The following CNTNAP2 variants were observed in gnomAD, a reference collection of about 807,000 sequenced individuals.
CNTNAP2 encodes the protein contactin associated protein 2, also known as contactin-associated protein-like 2.
CNTNAP2 carries 98 observed loss-of-function variants against 155.2 expected under a neutral mutation model. The ratio of observed to expected loss-of-function variants is 0.63; its 90% confidence interval spans 0.54 to 0.75. The LOEUF (loss-of-function observed/expected upper bound fraction) is 0.75. Among genes scored for constraint, CNTNAP2 ranks in the 30% least tolerant of loss-of-function variants. The pLI, the probability that CNTNAP2 is intolerant of heterozygous loss-of-function variation, is 0.00. For missense variants in CNTNAP2, 1,727 were observed against 1,688.1 expected (o/e 1.02, Z -0.40); for synonymous variants, 651 against 631.2 (o/e 1.03, Z -0.47).
At chr7:146,622,494 T>C (rs1186351577) in intron 1 of CNTNAP2, among the ~76,000 whole-genome samples, 3 of 152,124 alleles carry the variant, frequency 2.0e-5, no homozygotes, top group African/African-American at 7.2e-5. Context: ...TAAATTTCTA[T>C]ATCTGTGTCT....
intron 1 of CNTNAP2, among the ~76,000 whole-genome samples, chr7:146,538,963 T>C (rs905493892): frequency 6.6e-6 from 1 of 152,062 alleles, no homozygotes; most frequent in South Asian, 2.1e-4. Context: ...AACCACCCAA[T>C]TCAGAACAAT....
intron 1 of CNTNAP2, among the ~76,000 whole-genome samples, chr7:146,481,088 C>A (rs181728121): frequency 7.9e-5 from 12 of 152,094 alleles, no homozygotes; most frequent in African/African-American, 2.7e-4. Flanking sequence ...CCTGAAACTG[C>A]CAGCCAGTAG....
intron 11 of CNTNAP2, among the ~76,000 whole-genome samples, chr7:147,510,137 A>G (rs1485401334): frequency 6.6e-6 from 1 of 152,094 alleles, no homozygotes; most frequent in Non-Finnish European, 1.5e-5. Context: ...GTGACTAGGG[A>G]ATCTGTTTTC....
chr7:148,276,366 A>AC (rs1796870121), intron 21 of CNTNAP2, among the ~76,000 whole-genome samples: 1 of 152,190 alleles, frequency 6.6e-6, no homozygotes, highest in South Asian at 2.1e-4. Flanking sequence ...ACATAATCCC[A>AC]CCAGGACACT....
chr7:146,539,688 G>A (rs551883228), intron 1 of CNTNAP2, among the ~76,000 whole-genome samples: 1 of 151,934 alleles, frequency 6.6e-6, no homozygotes, highest in African/African-American at 2.4e-5. Flanking sequence ...GAAGAAGAGG[G>A]GGATCATCTC....
Position 146,676,274 on chromosome 7 carries a change from T to C in CNTNAP2, c.98-97997T>C, listed in dbSNP as rs368277999. Among the ~76,000 whole-genome samples, 5 of 152,276 alleles carry C rather than the reference T, an allele frequency of 3.3e-5. No homozygotes were observed. The East Asian group carries it at 7.7e-4, about 24-fold the overall frequency. ...TTGGCAAATATAGTAGAAACTATAA[T>C]GAATTGGCTATAGTGTTTCTCATGT... On this transcript the variant is annotated intron_variant, in intron 1 of 23. Transcript: ENST00000361727.
Position 147,617,016 on chromosome 7 carries a change from C to A in CNTNAP2, c.1898-22090C>A, listed in dbSNP as rs568536553. Among the ~76,000 whole-genome samples the A allele has an allele frequency of 3.3e-5, 5 of 152,268 alleles. No individual in the cohort carries two copies. In the East Asian group the frequency reaches 7.7e-4, roughly 24 times the overall value. The stretch of plus-strand genomic sequence containing the variant: ...TTCAACCTATGCTGCAATCTTATAG[C>A]CCACTATTCCAGACCTTTCCATTTC... On this transcript the variant is annotated intron_variant, in intron 12 of 23. Coordinates refer to ENST00000361727, the MANE Select transcript of CNTNAP2 (RefSeq NM_014141.6).
At chr7:146,657,098 A>G (rs1023471177) in intron 1 of CNTNAP2, among the ~76,000 whole-genome samples, 3 of 152,202 alleles carry the variant, frequency 2.0e-5, no homozygotes, top group Admixed American at 6.5e-5. Context: ...GTGTGTGAAT[A>G]CATGTATACT....
rs137915371 is a variant in CNTNAP2 at position 146,601,740 on chromosome 7, A to G, written c.98-172531A>G. 3.2e-3 allele frequency among the ~76,000 whole-genome samples: 480 copies of G among 152,220 alleles called. 1 individual carries two copies. The highest frequency in any genetic ancestry group is 5.3e-3 in the Admixed American group (81 of 15,284). ...AAGTCTCAATAAATAGAACAGTATG[A>G]TACTGGTTCAAAGAAACAAAACAGG... On this transcript the variant is annotated intron_variant, in intron 1 of 23. Transcript: ENST00000361727.
At chr7:146,273,438 A>G (rs747632133) in intron 1 of CNTNAP2, among the ~76,000 whole-genome samples, 2 of 152,184 alleles carry the variant, frequency 1.3e-5, no homozygotes, top group Non-Finnish European at 2.9e-5. Flanking sequence ...AAGCCACACA[A>G]TATATGTCTC....
At chr7:147,900,986 T>A (rs1363177842) in intron 13 of CNTNAP2, among the ~76,000 whole-genome samples, 5 of 152,138 alleles carry the variant, frequency 3.3e-5, no homozygotes, top group African/African-American at 4.8e-5. Flanking sequence ...TTCCCTAGAC[T>A]TTTGATGATG....
intron 1 of CNTNAP2, among the ~76,000 whole-genome samples, chr7:146,643,987 C>G (rs547899842): frequency 1.8e-4 from 27 of 152,236 alleles, no homozygotes; most frequent in African/African-American, 6.5e-4. Flanking sequence ...TATAAGAAAG[C>G]TTGTGATTTT....
intron 21 of CNTNAP2, among the ~76,000 whole-genome samples, chr7:148,371,568 T>G (rs935175539): frequency 6.6e-6 from 1 of 152,188 alleles, no homozygotes; most frequent in African/African-American, 2.4e-5. Flanking sequence ...ACCACTAAAA[T>G]TCTCCTTGAA....
At chr7:148,231,066 C>T (rs956129630) in intron 20 of CNTNAP2, among the ~76,000 whole-genome samples, 1 of 152,146 alleles carries the variant, frequency 6.6e-6, no homozygotes, top group African/African-American at 2.4e-5. Context: ...CTTATCTTGC[C>T]ATTTTACCAT....
At chr7:148,153,250 AAAAC>A (rs1318497746) in intron 17 of CNTNAP2, among the ~76,000 whole-genome samples, 2 of 151,646 alleles carry the variant, frequency 1.3e-5, no homozygotes. Flanking sequence ...GAAAAAAAAA[AAAAC>A]AGAGAAGACA....
chr7:147,919,651 G>C (rs1800231346), intron 14 of CNTNAP2, among the ~76,000 whole-genome samples: 1 of 151,082 alleles, frequency 6.6e-6, no homozygotes. Flanking sequence ...GTAGAGATGG[G>C]GTTTCACAGT....
chr7:147,625,604 G>A (rs1794956027), intron 12 of CNTNAP2, among the ~76,000 whole-genome samples: 1 of 152,058 alleles, frequency 6.6e-6, no homozygotes, highest in Non-Finnish European at 1.5e-5. Context: ...GTTTTAAAAT[G>A]TCATGGCACT....
intron 4 of CNTNAP2, among the ~76,000 whole-genome samples, chr7:147,106,286 G>A (rs2129279034): frequency 6.6e-6 from 1 of 152,162 alleles, no homozygotes; most frequent in South Asian, 2.1e-4. Context: ...CACTTTTCAA[G>A]ATAAAAAGTA....
At chr7:148,352,971 C>T (rs1585299433) in intron 21 of CNTNAP2, among the ~76,000 whole-genome samples, 1 of 152,300 alleles carries the variant, frequency 6.6e-6, no homozygotes, top group South Asian at 2.1e-4. Flanking sequence ...CCAAACAGGA[C>T]TGGCCAGATG....
Sources: gnomAD v4.1 joint callset for allele counts (sites outside exome capture counted in the v4.1 genomes callset) on GRCh38, gnomAD v4.1.1 for gene constraint, MANE v1.5 for transcripts, NCBI Gene and HGNC (gene_info 2026-07-23, HGNC 2026-07-21) for gene names.